ASIC2: variants seen among roughly 807,000 people sequenced by gnomAD.
ASIC2 encodes the protein acid-sensing ion channel 2.
ASIC2 carries 25 observed loss-of-function variants against 57.3 expected under a neutral mutation model. That is an observed-to-expected ratio of 0.44 (90% CI 0.32 to 0.61). The LOEUF (loss-of-function observed/expected upper bound fraction) is 0.61. Ranked by LOEUF, ASIC2 falls within the 20% of genes least tolerant of loss-of-function variation. ASIC2 has a pLI of 0.06. For synonymous variants in ASIC2, 319 were observed against 307.5 expected, an observed-to-expected ratio of 1.04 and a Z score of -0.39; for missense variants, 641 against 738.1, an observed-to-expected ratio of 0.87 and a Z score of 1.52.
chr17:33,837,446 C>T (rs756483514), intron 1 of ASIC2, among the ~76,000 whole-genome samples: 1 of 152,234 alleles, frequency 6.6e-6, no homozygotes, highest in Non-Finnish European at 1.5e-5. Context: ...TTTAATAGTG[C>T]TCACTGTAAT....
intron 1 of ASIC2, among the ~76,000 whole-genome samples, chr17:34,016,047 G>A (rs555934028): frequency 3.9e-5 from 6 of 152,256 alleles, no homozygotes; most frequent in South Asian, 2.1e-4. Flanking sequence ...ATGTCCTTTC[G>A]TCCAGAACAT....
At chr17:33,184,730 C>T (rs1419572553) in intron 1 of ASIC2, among the ~76,000 whole-genome samples, 1 of 152,168 alleles carries the variant, frequency 6.6e-6, no homozygotes, top group African/African-American at 2.4e-5. Flanking sequence ...GGGTAAGCAC[C>T]TACCAATCCA....
rs559314172 is a variant in ASIC2, at chr17:33,957,015, A to G, written c.555+198963T>C. Among the ~76,000 whole-genome samples the G allele has an allele frequency of 4.1e-4, 63 of 152,324 alleles. 1 individual carries two copies. The South Asian group carries it at 0.012, about 30-fold the overall frequency. On this transcript the variant is annotated intron_variant, in intron 1 of 9. Coordinates refer to the ASIC2 transcript ENST00000359872. The stretch of plus-strand genomic sequence containing the variant: ...CCTGACTGCTCACCTGGCTCTGACA[A>G]TCAGAATAATGGGGATTTATTGTCC...
intron 1 of ASIC2, among the ~76,000 whole-genome samples, chr17:33,910,888 A>T (rs542173983): frequency 6.6e-6 from 1 of 152,216 alleles, no homozygotes; most frequent in Non-Finnish European, 1.5e-5. Flanking sequence ...GAGCTTGTCC[A>T]GTGGAGAGGG....
chr17:33,305,047 C>T (rs1906112931), intron 1 of ASIC2, among the ~76,000 whole-genome samples: 1 of 152,104 alleles, frequency 6.6e-6, no homozygotes, highest in African/African-American at 2.4e-5. Context: ...TTTGAGGAAT[C>T]AAAATGCATG....
intron 1 of ASIC2, among the ~76,000 whole-genome samples, chr17:33,145,907 T>C (rs943800558): frequency 3.9e-5 from 6 of 152,206 alleles, no homozygotes; most frequent in African/African-American, 1.4e-4. Context: ...CAAGAAGCCA[T>C]GCTTAGTGGA....
chr17:34,008,577 G>A (rs913980390), intron 1 of ASIC2, among the ~76,000 whole-genome samples: 1 of 152,236 alleles, frequency 6.6e-6, no homozygotes, highest in Admixed American at 6.5e-5. Context: ...CTGTCTGAGA[G>A]AGAAAGAGAG....
intron 1 of ASIC2, among the ~76,000 whole-genome samples, chr17:33,437,066 C>T (rs928913441): frequency 6.6e-5 from 10 of 150,932 alleles, no homozygotes; most frequent in South Asian, 2.1e-4. Flanking sequence ...GGGGTTTCAC[C>T]GTGTTAGCCA....
At chr17:33,244,929 G>C (rs772922407) in intron 1 of ASIC2, among the ~76,000 whole-genome samples, 1 of 152,216 alleles carries the variant, frequency 6.6e-6, no homozygotes, top group South Asian at 2.1e-4. Flanking sequence ...GTCTGCCACT[G>C]TGTGATCTTG....
chr17:33,540,770 A>C (rs1915383883), intron 1 of ASIC2, among the ~76,000 whole-genome samples: 1 of 152,206 alleles, frequency 6.6e-6, no homozygotes, highest in Admixed American at 6.5e-5. Flanking sequence ...ACCTACCAGC[A>C]CAGAGATCAG....
intron 1 of ASIC2, among the ~76,000 whole-genome samples, chr17:33,866,814 G>A (rs1006271599): frequency 6.6e-6 from 1 of 152,068 alleles, no homozygotes; most frequent in Non-Finnish European, 1.5e-5. Context: ...TCTCCTCCAG[G>A]GCCTAAGAAG....
chr17:33,124,377 C>T (rs1487495710), intron 1 of ASIC2, among the ~76,000 whole-genome samples: 2 of 152,186 alleles, frequency 1.3e-5, no homozygotes, highest in Admixed American at 1.3e-4. Flanking sequence ...ACACAGCATG[C>T]ATGATGCCAC....
At position 33,343,519 on chromosome 17, in the gene ASIC2, C is replaced by T. The variant is rs959610514; in HGVS notation, c.556-231452G>A. Among the ~76,000 whole-genome samples, 4 of 152,170 alleles carry T rather than the reference C, an allele frequency of 2.6e-5. No homozygotes were observed. In the East Asian group the frequency reaches 7.7e-4, roughly 29 times the overall value. ...TGTGTCCAAATCTTACCTCTCTAGC[C>T]AGACTAAAAGCTCCCCTGACATGGG... On this transcript the variant is annotated intron_variant, in intron 1 of 9. Transcript: ENST00000359872.
At chr17:34,117,530 G>A (rs993380945) in intron 1 of ASIC2, among the ~76,000 whole-genome samples, 11 of 152,190 alleles carry the variant, frequency 7.2e-5, no homozygotes, top group Non-Finnish European at 1.3e-4. Context: ...GGTCTCGTGG[G>A]ATGTGGTACC....
At chr17:33,366,117 A>C (rs142675508) in intron 1 of ASIC2, among the ~76,000 whole-genome samples, 4 of 152,248 alleles carry the variant, frequency 2.6e-5, no homozygotes, top group Non-Finnish European at 4.4e-5. Flanking sequence ...CCATGATGCT[A>C]TGAGTGGGGA....
At chr17:34,107,422 T>A (rs1387509220) in intron 1 of ASIC2, among the ~76,000 whole-genome samples, 1 of 152,120 alleles carries the variant, frequency 6.6e-6, no homozygotes, top group East Asian at 1.9e-4. Context: ...GGGAAGAAGA[T>A]CACCTAAGCC....
intron 1 of ASIC2, among the ~76,000 whole-genome samples, chr17:33,820,642 C>T (rs569382063): frequency 2.0e-5 from 3 of 152,214 alleles, no homozygotes; most frequent in African/African-American, 7.2e-5. Context: ...CATTTGCATT[C>T]TGAAATTAAA....
At chr17:33,280,481 G>A (rs1406983487) in intron 1 of ASIC2, among the ~76,000 whole-genome samples, 2 of 152,188 alleles carry the variant, frequency 1.3e-5, no homozygotes, top group East Asian at 3.8e-4. Context: ...ACATAGAGCT[G>A]GGAAAGTTCA....
intron 1 of ASIC2, among the ~76,000 whole-genome samples, chr17:34,096,806 G>A (rs934725879): frequency 9.5e-5 from 12 of 126,114 alleles, no homozygotes; most frequent in East Asian, 5.1e-4. Context: ...GCAGTGAGCC[G>A]AGATCATGCC....
Sources: gnomAD v4.1 joint callset for allele counts (sites outside exome capture counted in the v4.1 genomes callset) on GRCh38, gnomAD v4.1.1 for gene constraint, MANE v1.5 for transcripts, NCBI Gene and HGNC (gene_info 2026-07-23, HGNC 2026-07-21) for gene names.